Variants in SAMMSON observed in about 807,000 individuals in gnomAD.
SAMMSON encodes the protein long intergenic non-protein coding RNA 1212.
intron 3 of SAMMSON, among the ~76,000 whole-genome samples, chr3:70,045,082 A>G (rs1219990508): frequency 1.2e-5 from 1 of 83,740 alleles, no homozygotes; most frequent in African/African-American, 5.2e-5. Context: ...TAATTAATAT[A>G]TATAATTAAT....
At chr3:70,336,603 T>C (rs1672842518) in intron 7 of SAMMSON, among the ~76,000 whole-genome samples, 1 of 152,026 alleles carries the variant, frequency 6.6e-6, no homozygotes, top group South Asian at 2.1e-4. Flanking sequence ...CTCCTACTTA[T>C]GAGCAGCTTT....
chr3:70,007,581 C>G (rs1373140006), intron 1 of SAMMSON, among the ~76,000 whole-genome samples: 1 of 151,526 alleles, frequency 6.6e-6, no homozygotes, highest in African/African-American at 2.4e-5. Flanking sequence ...AAATTTTCTC[C>G]CATTCTGTAG....
intron 8 of SAMMSON, among the ~76,000 whole-genome samples, chr3:70,358,003 G>A (rs891662565): frequency 1.3e-5 from 2 of 152,078 alleles, no homozygotes; most frequent in Non-Finnish European, 2.9e-5. Flanking sequence ...GTACCAGAAG[G>A]TCTGGTGTAT....
exon 3 of SAMMSON, chr3:70,013,573 T>G (rs1298982185): frequency 6.6e-6 from 1 of 152,160 alleles, no homozygotes; most frequent in African/African-American, 2.4e-5. Flanking sequence ...ATTCCTCAAC[T>G]ATGCAACTCA....
chr3:70,300,280 T>C (rs1179912549), intron 7 of SAMMSON, among the ~76,000 whole-genome samples: 1 of 152,174 alleles, frequency 6.6e-6, no homozygotes, highest in Non-Finnish European at 1.5e-5. Context: ...ACATTTCTCC[T>C]TTATTTAAAT....
intron 4 of SAMMSON, among the ~76,000 whole-genome samples, chr3:70,187,657 C>T (rs1054885364): frequency 3.3e-5 from 5 of 151,548 alleles, no homozygotes; most frequent in Non-Finnish European, 5.9e-5. Context: ...AGGATGGTCT[C>T]GATCTCCTGA....
intron 4 of SAMMSON, among the ~76,000 whole-genome samples, chr3:70,184,517 T>G (rs1264504806): frequency 6.6e-6 from 1 of 152,230 alleles, no homozygotes; most frequent in African/African-American, 2.4e-5. Context: ...TCCACTTACA[T>G]AGAAGTTTAT....
intron 4 of SAMMSON, chr3:70,125,081 C>T (rs1283994476): frequency 3.2e-6 from 3 of 928,024 alleles, no homozygotes; most frequent in Non-Finnish European, 3.5e-6. Context: ...CTTTCTTTTT[C>T]CTTCCTTAGG....
At chr3:70,312,354 CAAAT>C (rs984681761) in intron 7 of SAMMSON, among the ~76,000 whole-genome samples, 2 of 152,084 alleles carry the variant, frequency 1.3e-5, no homozygotes, top group African/African-American at 4.8e-5. Flanking sequence ...TGCAAAGAGA[CAAAT>C]AACAATAAAA....
At chr3:70,343,950 C>T (rs1702730819) in intron 7 of SAMMSON, among the ~76,000 whole-genome samples, 2 of 150,478 alleles carry the variant, frequency 1.3e-5, no homozygotes, top group South Asian at 4.2e-4. Flanking sequence ...TATTTTGTTG[C>T]TCAAATTGTT....
intron 3 of SAMMSON, among the ~76,000 whole-genome samples, chr3:70,058,670 C>G (rs1243433868): frequency 5.9e-5 from 9 of 152,088 alleles, no homozygotes; most frequent in African/African-American, 2.2e-4. Context: ...TCAGCCCCAG[C>G]AACCATTCTT....
intron 4 of SAMMSON, among the ~76,000 whole-genome samples, chr3:70,213,255 T>C (rs552722377): frequency 1.3e-5 from 2 of 152,086 alleles, no homozygotes; most frequent in Non-Finnish European, 2.9e-5. Context: ...TTATTCTCAT[T>C]TAACCTACAA....
intron 7 of SAMMSON, among the ~76,000 whole-genome samples, chr3:70,314,772 T>A (rs1042313676): frequency 1.3e-5 from 2 of 152,138 alleles, no homozygotes; most frequent in African/African-American, 4.8e-5. Flanking sequence ...CTTTGTAAGG[T>A]TACAAGTCAT....
intron 4 of SAMMSON, among the ~76,000 whole-genome samples, chr3:70,154,846 G>A (rs1175665864): frequency 6.6e-6 from 1 of 151,962 alleles, no homozygotes; most frequent in Non-Finnish European, 1.5e-5. Flanking sequence ...TGATCCTATG[G>A]AGAGGGGCAT....
chr3:70,107,230 A>G (rs1407859857), intron 4 of SAMMSON, among the ~76,000 whole-genome samples: 1 of 152,224 alleles, frequency 6.6e-6, no homozygotes, highest in South Asian at 2.1e-4. Context: ...GAGCCCAAAG[A>G]GAGTCCTAAC....
intron 4 of SAMMSON, among the ~76,000 whole-genome samples, chr3:70,187,942 T>C (rs1264538971): frequency 6.6e-6 from 1 of 152,102 alleles, no homozygotes; most frequent in Non-Finnish European, 1.5e-5. Context: ...AGAGGCCATG[T>C]AGCAAGCTCT....
At chr3:70,311,346 C>G (rs116563784) in intron 7 of SAMMSON, among the ~76,000 whole-genome samples, 1,876 of 152,260 alleles carry the variant, frequency 0.012, 15 homozygotes, top group Non-Finnish European at 0.021. Context: ...GTGCGCAAAT[C>G]TGTACTCATT....
chr3:70,331,264 C>G (rs1161826968), intron 7 of SAMMSON, among the ~76,000 whole-genome samples: 4 of 152,154 alleles, frequency 2.6e-5, no homozygotes, highest in Non-Finnish European at 5.9e-5. Flanking sequence ...TGTCAACCCA[C>G]CTACCTGGCC....
chr3:70,074,382 C>A (rs1176775688), intron 4 of SAMMSON, among the ~76,000 whole-genome samples: 1 of 151,974 alleles, frequency 6.6e-6, no homozygotes, highest in Admixed American at 6.6e-5. Flanking sequence ...TACTTTGATT[C>A]AAGAGTGATT....
Sources: allele counts gnomAD v4.1 joint callset (sites outside exome capture counted in the v4.1 genomes callset), GRCh38; gene constraint gnomAD v4.1.1; transcripts MANE v1.5; gene names NCBI Gene and HGNC (gene_info 2026-07-23, HGNC 2026-07-21).